The following SDK1 variants were observed in gnomAD, a reference collection of about 807,000 sequenced individuals.
SDK1 encodes the protein sidekick cell adhesion molecule 1.
Under a neutral mutation model 245.5 loss-of-function variants are expected in SDK1, and 157 were observed. The observed-to-expected ratio is 0.64, with a 90% CI of 0.56 to 0.73. SDK1 has a LOEUF of 0.73. SDK1 is among the 30% of genes least tolerant of loss of function. The pLI, the probability that SDK1 is intolerant of heterozygous loss-of-function variation, is 0.00. For missense variants in SDK1, 3,583 were observed against 3,002.3 expected, an observed-to-expected ratio of 1.19 and a Z score of -4.52; for synonymous variants, 1,647 against 1,278.5, an observed-to-expected ratio of 1.29 and a Z score of -6.15.
intron 1 of SDK1, among the ~76,000 whole-genome samples, chr7:3,422,842 A>C (rs925639987): frequency 2.0e-5 from 3 of 152,158 alleles, no homozygotes; most frequent in Non-Finnish European, 4.4e-5. Context: ...AGCTGATCTG[A>C]TTTTCAGAAG....
chr7:4,268,387 T>G lies in SDK1; in HGVS notation c.*3003T>G. On this transcript the variant is annotated 3_prime_UTR_variant, in exon 45 of 45. Transcript: ENST00000404826. ...GCCTCCTGCACGGCCACCTTCTGGG[T>G]GAATCGGTCCAGCCCAAGCCCCTCT... The G allele has an allele frequency of 1.9e-6, 2 of 1,067,308 alleles. No individual in the cohort carries two copies. The highest frequency in any genetic ancestry group is 1.1e-6 in the Non-Finnish European group (1 of 875,510). The allele number at this position is 1,067,308 out of a possible 1,614,324, so 66.1% of individuals were successfully genotyped here.
intron 40 of SDK1, among the ~76,000 whole-genome samples, chr7:4,232,037 G>A (rs1391984508): frequency 2.2e-5 from 3 of 138,678 alleles, no homozygotes; most frequent in African/African-American, 7.9e-5. Context: ...TGGCCTCTGA[G>A]CCTACTTTTT....
intron 4 of SDK1, among the ~76,000 whole-genome samples, chr7:3,759,230 T>C (rs964543885): frequency 2.0e-5 from 3 of 152,218 alleles, no homozygotes; most frequent in African/African-American, 7.2e-5. Flanking sequence ...TGCTGTAAAA[T>C]GCTGTACTTT....
chr7:3,964,335 C>T (rs1005422168), intron 9 of SDK1, among the ~76,000 whole-genome samples: 2 of 152,212 alleles, frequency 1.3e-5, no homozygotes, highest in Admixed American at 6.5e-5. Flanking sequence ...GTAGCGTTGC[C>T]TCTTCCCGCA....
chr7:3,569,081 G>A (rs1298656916), intron 1 of SDK1, among the ~76,000 whole-genome samples: 3 of 149,418 alleles, frequency 2.0e-5, no homozygotes, highest in South Asian at 4.2e-4. Flanking sequence ...AAAAATTAAC[G>A]AGTCTGTATT....
chr7:3,321,713 TCCCTCTC>T (rs145595049), intron 1 of SDK1, among the ~76,000 whole-genome samples: 42,422 of 75,646 alleles, frequency 0.56, 11,550 homozygotes, highest in African/African-American at 0.67. Context: ...CTCCTCCCCC[TCCCTCTC>T]CCCTCTCCCT....
intron 4 of SDK1, among the ~76,000 whole-genome samples, chr7:3,658,843 C>T (rs1018677275): frequency 6.6e-6 from 1 of 152,110 alleles, no homozygotes; most frequent in South Asian, 2.1e-4. Context: ...GTCTCAAATT[C>T]TTGACCTCAG....
intron 44 of SDK1, among the ~76,000 whole-genome samples, chr7:4,248,441 C>T (rs1787055592): frequency 6.9e-6 from 1 of 144,160 alleles, no homozygotes; most frequent in South Asian, 2.2e-4. Flanking sequence ...ACCTATACAC[C>T]TGAATACATG....
In SDK1 at chr7:3,632,654, C is replaced by T. The variant is rs548622693; in HGVS notation, c.459-6350C>T. The stretch of plus-strand genomic sequence containing the variant: ...AAATAACTTTTACAAATATTGTGTT[C>T]CCTTTGTATAGCTTCCATCGTTACC... On this transcript the variant is annotated intron_variant, in intron 2 of 44. Transcript: ENST00000404826. Among the ~76,000 whole-genome samples the T allele has an allele frequency of 5.1e-4, 77 of 152,218 alleles. 1 individual carries two copies. The highest frequency in any genetic ancestry group is 1.8e-3 in the African/African-American group (76 of 41,524).
At chr7:3,331,793 A>G (rs1000464780) in intron 1 of SDK1, among the ~76,000 whole-genome samples, 1 of 152,106 alleles carries the variant, frequency 6.6e-6, no homozygotes, top group African/African-American at 2.4e-5. Flanking sequence ...ATAATCTCAG[A>G]TGCAGCTTAT....
At chr7:3,515,649 T>C (rs1361127599) in intron 1 of SDK1, among the ~76,000 whole-genome samples, 1 of 152,234 alleles carries the variant, frequency 6.6e-6, no homozygotes, top group African/African-American at 2.4e-5. Flanking sequence ...TTTCGTGTTT[T>C]AGTATTTGGA....
intron 5 of SDK1, among the ~76,000 whole-genome samples, chr7:3,873,374 T>A (rs1459741205): frequency 6.6e-6 from 1 of 152,216 alleles, no homozygotes; most frequent in Non-Finnish European, 1.5e-5. Context: ...TATTTTTTAT[T>A]TGTCCCTTCT....
chr7:3,905,283 T>C (rs562560758), intron 5 of SDK1, among the ~76,000 whole-genome samples: 5 of 152,296 alleles, frequency 3.3e-5, no homozygotes, highest in South Asian at 4.1e-4. Context: ...TTTTCTATTA[T>C]AAGTAATGCC....
At chr7:3,335,404 A>G (rs1780174332) in intron 1 of SDK1, among the ~76,000 whole-genome samples, 1 of 146,728 alleles carries the variant, frequency 6.8e-6, no homozygotes, top group South Asian at 2.2e-4. Flanking sequence ...GGGATAAGAT[A>G]CATAATGGTA....
chr7:3,649,084 G>C (rs2128655112), intron 4 of SDK1, among the ~76,000 whole-genome samples: 1 of 152,188 alleles, frequency 6.6e-6, no homozygotes, highest in Admixed American at 6.5e-5. Flanking sequence ...GACAGAAAGG[G>C]GAATTGAGGC....
chr7:3,492,695 C>G (rs1781900810), intron 1 of SDK1, among the ~76,000 whole-genome samples: 2 of 152,292 alleles, frequency 1.3e-5, no homozygotes, highest in African/African-American at 4.8e-5. Flanking sequence ...GACTGATGCT[C>G]TCTCTGTTAC....
At chr7:3,498,198 A>G (rs1313709641) in intron 1 of SDK1, among the ~76,000 whole-genome samples, 1 of 152,178 alleles carries the variant, frequency 6.6e-6, no homozygotes, top group East Asian at 1.9e-4. Context: ...AAAACACTCA[A>G]AGCCTGCCTT....
intron 5 of SDK1, among the ~76,000 whole-genome samples, chr7:3,835,333 G>A (rs554585582): frequency 4.6e-5 from 7 of 152,190 alleles, no homozygotes; most frequent in Admixed American, 1.3e-4. Flanking sequence ...TGCTGGTTGC[G>A]GGCGTCCCTC....
chr7:3,302,555 C>A (rs556516207), intron 1 of SDK1: 1 of 152,170 alleles, frequency 6.6e-6, no homozygotes, highest in South Asian at 2.1e-4. Flanking sequence ...CCTTTTGAAA[C>A]GAGAGATGGG....
Sources: allele counts gnomAD v4.1 joint callset (sites outside exome capture counted in the v4.1 genomes callset), GRCh38; gene constraint gnomAD v4.1.1; transcripts MANE v1.5; gene names NCBI Gene and HGNC (gene_info 2026-07-23, HGNC 2026-07-21).